APOC2: variants seen among roughly 807,000 people sequenced by gnomAD.
APOC2 encodes apolipoprotein C-II.
A neutral mutation model predicts 10.2 loss-of-function variants in APOC2; 6 were observed. That is an observed-to-expected ratio of 0.59 (90% confidence interval 0.32 to 1.16). The LOEUF (loss-of-function observed/expected upper bound fraction) is 1.16. Among genes scored for constraint, APOC2 ranks in the 50% most tolerant of loss-of-function variants. The pLI, the probability that APOC2 is intolerant of heterozygous loss-of-function variation, is 0.05. For synonymous variants in APOC2, 56 were observed against 48.5 expected (o/e 1.15, Z -0.64); for missense variants, 110 against 117.6 (o/e 0.94, Z 0.30).
At chr19:44,947,925 C>T (rs985667156) in intron 1 of APOC2, among the ~76,000 whole-genome samples, 5 of 152,052 alleles carry the variant, frequency 3.3e-5, no homozygotes, top group Admixed American at 2.0e-4. Flanking sequence ...AAATATTAGC[C>T]GGGCATGGTG....
chr19:44,946,269 G>A (rs989831897), intron 1 of APOC2, among the ~76,000 whole-genome samples, 194 bp downstream of exon 1: 2 of 151,032 alleles, frequency 1.3e-5, no homozygotes, highest in African/African-American at 2.4e-5. Context: ...GTCTCGCTAT[G>A]TAGCCCAGGC....
chr19:44,947,934 T>A (rs573272829), intron 1 of APOC2, among the ~76,000 whole-genome samples: 1 of 152,326 alleles, frequency 6.6e-6, no homozygotes, highest in East Asian at 1.9e-4. Flanking sequence ...CCGGGCATGG[T>A]GGCAGGTGCT....
In APOC2 at chr19:44,949,186, C is replaced by T. The variant is rs1298249712; in HGVS notation, c.243C>T (p.Ala81=). ...LRDLYSKSTA[A]MSTYTGIFTD... is the part of the protein sequence containing the mutation. ...ACTTGTACAGCAAAAGCACAGCAGC[C>T]ATGAGCACTTACACAGGCATTTTTA... is the stretch of plus-strand genomic sequence containing the variant. The change falls in exon 4 of 4, where the codon GCC becomes GCT. Residue 81 remains alanine (A), a synonymous_variant. Transcript: ENST00000252490. 6 of 1,613,958 alleles carry T rather than the reference C, an allele frequency of 3.7e-6. No homozygotes were observed. Among genetic ancestry groups the T allele is most frequent in the Admixed American group, 1.7e-5 (1 of 59,954 alleles).
At chr19:44,946,963 C>T (rs938909934) in intron 1 of APOC2, among the ~76,000 whole-genome samples, 2 of 152,032 alleles carry the variant, frequency 1.3e-5, no homozygotes, top group African/African-American at 4.8e-5. Context: ...ACCAGCCTGG[C>T]CAACATGGTG....
rs1970361312 is a variant in APOC2, at chr19:44,949,502, C to T, written c.*253C>T. 1.8e-6 allele frequency: 1 copy of T among 549,944 alleles called. No individual in the cohort carries two copies. Among genetic ancestry groups the T allele is most frequent in the Non-Finnish European group, 3.3e-6 (1 of 305,414 alleles). 34.1% of individuals were successfully genotyped at this position (549,944 alleles called of 1,614,324 possible). ...ATGAGCACCTACTTTATGTATGGAG[C>T]TCTAACCCATGGGTCCATGGGAATA... On this transcript the variant is annotated 3_prime_UTR_variant, in exon 4 of 4. Transcript: ENST00000252490.
chr19:44,947,021 G>A (rs552155927), intron 1 of APOC2, among the ~76,000 whole-genome samples: 10 of 152,026 alleles, frequency 6.6e-5, no homozygotes, highest in African/African-American at 1.7e-4. Flanking sequence ...GCATGGTGGT[G>A]CATGCTTGTA....
chr19:44,949,237 G>A lies in APOC2; in HGVS notation c.294G>A (p.Lys98=). The change falls in exon 4 of 4, where the codon AAG becomes AAA. Residue 98 remains lysine (K), a synonymous_variant. Transcript: ENST00000252490. ...IFTDQVLSVL[K]GEE Reference sequence around the variant, plus strand: ...CTGACCAAGTTCTTTCTGTGCTGAAGGGAGAGGAGTAACAGCCAGACCCCC... The same window carrying A: ...CTGACCAAGTTCTTTCTGTGCTGAAAGGAGAGGAGTAACAGCCAGACCCCC... 2 of 1,613,724 alleles carry A rather than the reference G, an allele frequency of 1.2e-6. No homozygotes were observed. Among genetic ancestry groups the A allele is most frequent in the Non-Finnish European group, 1.7e-6 (2 of 1,179,850 alleles).
chr19:44,946,234 T>TGTGTGA lies in APOC2; in HGVS notation c.-14+160_-14+161insTGTGAG, dbSNP rs1236986911. Among the ~76,000 whole-genome samples the TGTGTGA allele has an allele frequency of 9.1e-3, 1,206 of 132,776 alleles. 14 individuals are homozygous for TGTGTGA. Among genetic ancestry groups the TGTGTGA allele is most frequent in the South Asian group, 0.021 (88 of 4,260 alleles). 87.1% of individuals were successfully genotyped at this position (132,776 alleles called of 152,430 possible). On this transcript the variant is annotated intron_variant, in intron 1 of 3. Coordinates refer to ENST00000252490, the MANE Select transcript of APOC2 (RefSeq NM_000483.5). ...GTGTGTGTGTGTGTGTGTGTGTGTG[T>TGTGTGA]GAGAGAGAGAGAGAGGGAGATGGAG...
intron 1 of APOC2, among the ~76,000 whole-genome samples, chr19:44,946,488 T>G (rs1024701349): frequency 1.3e-5 from 2 of 152,088 alleles, no homozygotes; most frequent in African/African-American, 4.8e-5. Context: ...TGCCACCGTG[T>G]TCCAGCCTGG....
At chr19:44,946,371 A>G (rs1244182198) in intron 1 of APOC2, among the ~76,000 whole-genome samples, 1 of 152,104 alleles carries the variant, frequency 6.6e-6, no homozygotes, top group African/African-American at 2.4e-5. Context: ...CACAAATCAC[A>G]GAATTTAGAA....
chr19:44,948,678 C>G, intron 2 of APOC2, 23 bp from the exon 3 acceptor site: 2 of 1,613,922 alleles, frequency 1.2e-6, no homozygotes, highest in Middle Eastern at 1.7e-4. Flanking sequence ...CACGGGCTCT[C>G]CTGACACACT....
At chr19:44,946,319 A>T (rs1599990082) in intron 1 of APOC2, among the ~76,000 whole-genome samples, 1 of 151,638 alleles carries the variant, frequency 6.6e-6, no homozygotes, top group East Asian at 2.0e-4. Flanking sequence ...CTCCTGCCTC[A>T]GCCTCCCCAG....
intron 1 of APOC2, chr19:44,947,191 T>C (rs1970331773): frequency 6.6e-6 from 1 of 152,198 alleles, no homozygotes; most frequent in Admixed American, 6.6e-5. Context: ...GCTTGTGTTC[T>C]TTCTCCGGGG....
chr19:44,948,267 A>C (rs1312551649), intron 1 of APOC2, 199 bp from the exon 2 acceptor site: 3 of 581,638 alleles, frequency 5.2e-6, no homozygotes, highest in Non-Finnish European at 9.2e-6. Flanking sequence ...TAAAATGTTA[A>C]AATCAGGAGT....
In APOC2 at chr19:44,948,512, G is replaced by A. The variant is rs150887575; in HGVS notation, c.34G>A (p.Val12Ile). Residue 12 changes from valine to isoleucine, a missense_variant, in exon 2 of 4, where the codon GTC (valine) becomes ATC (isoleucine). Physicochemically the swap from Val to Ile is conservative, Grantham distance 29 (BLOSUM62 3). Transcript: ENST00000252490. ...GTRLLPALFL[V>I]LLVLGFEVQG... is the part of the protein sequence containing the mutation. ...ACGACTCCTCCCAGCTCTGTTTCTT[G>A]TCCTCCTGGTATTGGGATTTGGTGA... 2.9e-4 allele frequency: 476 copies of A among 1,614,130 alleles called. 1 individual carries two copies. The highest frequency in any genetic ancestry group is 1.2e-3 in the Middle Eastern group (7 of 6,062).
At chr19:44,948,591 T>C (rs751858726) in intron 2 of APOC2, 58 bp downstream of exon 2, 8 of 1,605,908 alleles carry the variant, frequency 5.0e-6, no homozygotes, top group Non-Finnish European at 6.0e-6. Context: ...TCCAAGCATC[T>C]TCCCAGCCCA....
intron 1 of APOC2, among the ~76,000 whole-genome samples, 159 bp downstream of exon 1, chr19:44,946,234 T>TGTGTGTGAGA (rs1236986911): frequency 3.0e-3 from 398 of 132,870 alleles, no homozygotes; most frequent in African/African-American, 7.4e-3. Flanking sequence ...TGTGTGTGTG[T>TGTGTGTGAGA]GAGAGAGAGA....
Position 44,948,823 on chromosome 19 carries a change from G to A in APOC2, c.178G>A (p.Glu60Lys), listed in dbSNP as rs5122. Residue 60 changes from glutamate to lysine, a missense_variant, in exon 3 of 4, where the codon GAG (glutamate) becomes AAG (lysine). Transcript: ENST00000252490. ...AAAGACAGCCGCCCAGAACCTGTAC[G>A]AGAAGACATACCTGCCCGCTGTAGA... ...SAKTAAQNLY[E>K]KTYLPAVDEK... 577 of 1,613,886 alleles carry A rather than the reference G, an allele frequency of 3.6e-4. 1 individual carries two copies. The African/African-American group carries it at 6.8e-3, about 19-fold the overall frequency.
intron 1 of APOC2, among the ~76,000 whole-genome samples, chr19:44,946,527 G>T (rs534961316): frequency 4.4e-4 from 67 of 151,822 alleles, no homozygotes; most frequent in Non-Finnish European, 5.0e-4. Flanking sequence ...TTCTAAAAAA[G>T]AGAAAGAAAA....
Sources: allele counts gnomAD v4.1 joint callset (sites outside exome capture counted in the v4.1 genomes callset), GRCh38; gene constraint gnomAD v4.1.1; transcripts MANE v1.5; gene names NCBI Gene and HGNC (gene_info 2026-07-23, HGNC 2026-07-21).